SH3D19: variants seen among roughly 807,000 people sequenced by gnomAD.
The protein encoded by SH3D19 is SH3 domain-containing protein 19.
A neutral mutation model predicts 112.1 loss-of-function variants in SH3D19; 58 were observed. The ratio of observed to expected loss-of-function variants is 0.52; its 90% CI spans 0.42 to 0.64. SH3D19 has a LOEUF of 0.64. Ranked by LOEUF, SH3D19 falls within the 30% of genes least tolerant of loss-of-function variation. The pLI, the probability that SH3D19 is intolerant of heterozygous loss-of-function variation, is 0.00. For missense variants in SH3D19, 1,090 were observed against 1,263.4 expected (o/e 0.86, Z 2.08); for synonymous variants, 391 against 448.5 (o/e 0.87, Z 1.62).
chr4:151,294,267 C>T (rs1471696397), intron 1 of SH3D19, among the ~76,000 whole-genome samples: 1 of 152,160 alleles, frequency 6.6e-6, no homozygotes. Context: ...ATGGAGGTAG[C>T]CCAGAACCTG....
chr4:151,244,971 C>T lies in SH3D19; in HGVS notation c.113-18885G>A, dbSNP rs1044021842. Among the ~76,000 whole-genome samples, 8 of 151,996 alleles carry T rather than the reference C, an allele frequency of 5.3e-5. No homozygotes were observed. In the East Asian group the frequency reaches 7.7e-4, roughly 15 times the overall value. On this transcript the variant is annotated intron_variant, in intron 1 of 19. Coordinates refer to ENST00000604030, the MANE Select transcript of SH3D19 (RefSeq NM_001378122.1). Reference sequence around the variant, plus strand: ...CATCCTGGCTAACACGGTGAAATCTCGTATCTACTAAAAATACAAAAAATT... The same window carrying T: ...CATCCTGGCTAACACGGTGAAATCTTGTATCTACTAAAAATACAAAAAATT...
At chr4:151,219,188 A>G (rs879428766) in intron 2 of SH3D19, among the ~76,000 whole-genome samples, 3 of 152,164 alleles carry the variant, frequency 2.0e-5, no homozygotes, top group Non-Finnish European at 4.4e-5. Flanking sequence ...CTTCAATATC[A>G]GATTACTCTT....
intron 1 of SH3D19, 150 bp from the exon 2 acceptor site, chr4:151,226,236 T>A: frequency 1.6e-6 from 2 of 1,224,844 alleles, no homozygotes; most frequent in African/African-American, 3.1e-5. Flanking sequence ...TTCATCACAG[T>A]TCGCCTGACA....
At chr4:151,303,290 G>A (rs557385652) in intron 1 of SH3D19, among the ~76,000 whole-genome samples, 10 of 152,276 alleles carry the variant, frequency 6.6e-5, no homozygotes, top group African/African-American at 2.2e-4. Context: ...ATGATCTTCA[G>A]AGGAAACACA....
intron 2 of SH3D19, among the ~76,000 whole-genome samples, chr4:151,199,534 T>C (rs1764092552): frequency 6.6e-6 from 1 of 152,148 alleles, no homozygotes; most frequent in South Asian, 2.1e-4. Flanking sequence ...TGGGAAATGA[T>C]AAAACTCATT....
intron 2 of SH3D19, among the ~76,000 whole-genome samples, chr4:151,200,899 A>G (rs1580126085): frequency 6.6e-6 from 1 of 152,242 alleles, no homozygotes; most frequent in East Asian, 1.9e-4. Flanking sequence ...AAACAAACAT[A>G]TCAACCAACA....
chr4:151,320,993 A>T (rs932281204), intron 1 of SH3D19, among the ~76,000 whole-genome samples: 2 of 152,152 alleles, frequency 1.3e-5, no homozygotes, highest in African/African-American at 4.8e-5. Flanking sequence ...GTGTGCTGAG[A>T]TTACACCACA....
Position 151,149,683 on chromosome 4 carries a change from T to C in SH3D19, c.1756-122A>G, listed in dbSNP as rs999969623. 3 of 803,498 alleles carry C rather than the reference T, an allele frequency of 3.7e-6. No individual in the cohort carries two copies. The East Asian group carries it at 8.0e-5, about 22-fold the overall frequency. 49.8% of individuals were successfully genotyped at this position (803,498 alleles called of 1,614,324 possible). A position where few individuals can be genotyped will look rare whatever the true frequency, so the allele number is the denominator to read the frequency against. The stretch of plus-strand genomic sequence containing the variant: ...AGAAATGCAGTTGAATTATAGAAAG[T>C]AGCTTAAAAGAGTTTTCAGCCTTAA... On this transcript the variant is annotated intron_variant, in intron 9 of 19. Transcript: ENST00000604030.
In SH3D19 at chr4:151,179,336, A is replaced by G. The variant is rs961248221; in HGVS notation, c.236+19T>C. ...ATTATTAGTCTAATATATGTCCTCC[A>G]TTATAAATATAACCATACCTTCTAT... On this transcript the variant is annotated intron_variant, in intron 4 of 19. Coordinates refer to ENST00000604030, the MANE Select transcript of SH3D19 (RefSeq NM_001378122.1). 3 of 1,210,640 alleles carry G rather than the reference A, an allele frequency of 2.5e-6. No homozygotes were observed. The highest frequency in any genetic ancestry group is 3.2e-4 in the Middle Eastern group (1 of 3,174). 75.0% of individuals were successfully genotyped at this position (1,210,640 alleles called of 1,614,324 possible).
At chr4:151,195,397 AGAAAAAG>A (rs1763308999) in intron 2 of SH3D19, among the ~76,000 whole-genome samples, 7 of 119,660 alleles carry the variant, frequency 5.8e-5, no homozygotes, top group African/African-American at 1.7e-4. Context: ...AAAAAAAAAA[AGAAAAAG>A]AAAAAAAGAG....
At chr4:151,242,077 G>A (rs1416218917) in intron 1 of SH3D19, among the ~76,000 whole-genome samples, 1 of 151,912 alleles carries the variant, frequency 6.6e-6, no homozygotes, top group Non-Finnish European at 1.5e-5. Context: ...TGCAGTCTCA[G>A]CAACTCAAGA....
chr4:151,224,283 T>C (rs961706693), intron 2 of SH3D19, among the ~76,000 whole-genome samples: 1 of 151,918 alleles, frequency 6.6e-6, no homozygotes, highest in Admixed American at 6.6e-5. Context: ...CACTCCAGCC[T>C]GGGAAACAGG....
chr4:151,245,608 T>C (rs747786676), intron 1 of SH3D19, among the ~76,000 whole-genome samples: 1 of 152,088 alleles, frequency 6.6e-6, no homozygotes, highest in African/African-American at 2.4e-5. Context: ...CTGAGTCTTT[T>C]GTTTGTTTGT....
intron 4 of SH3D19, among the ~76,000 whole-genome samples, chr4:151,177,824 G>A (rs555965867): frequency 6.6e-6 from 1 of 152,284 alleles, no homozygotes; most frequent in African/African-American, 2.4e-5. Flanking sequence ...GATCAGGTTT[G>A]TATATGATTT....
At chr4:151,214,404 G>GC (rs1766554092) in intron 2 of SH3D19, among the ~76,000 whole-genome samples, 1 of 47,962 alleles carries the variant, frequency 2.1e-5, no homozygotes, top group Non-Finnish European at 1.3e-4. Context: ...AGACGGGGTG[G>GC]TGGCCGGGCA....
At chr4:151,221,513 T>A (rs1430471244) in intron 2 of SH3D19, among the ~76,000 whole-genome samples, 1 of 152,180 alleles carries the variant, frequency 6.6e-6, no homozygotes, top group African/African-American at 2.4e-5. Flanking sequence ...TCCTTTCTTA[T>A]AGGGCATCAC....
intron 1 of SH3D19, among the ~76,000 whole-genome samples, chr4:151,297,818 T>A (rs752187350): frequency 1.3e-5 from 2 of 152,246 alleles, no homozygotes; most frequent in Non-Finnish European, 2.9e-5. Context: ...TTTGCACATA[T>A]GATTAAGTAT....
At chr4:151,133,347 G>A (rs1751149132) in intron 15 of SH3D19, 111 bp from the exon 16 acceptor site, 1 of 827,888 alleles carries the variant, frequency 1.2e-6, no homozygotes, top group African/African-American at 1.7e-5. Flanking sequence ...CATGGAATAA[G>A]GTATACTAGG....
chr4:151,180,832 C>T (rs1295552024), intron 3 of SH3D19, among the ~76,000 whole-genome samples: 9 of 147,486 alleles, frequency 6.1e-5, no homozygotes, highest in South Asian at 2.2e-4. Context: ...GGCGCCATCT[C>T]GGCTCACTGC....
Sources: gnomAD v4.1 joint callset for allele counts (sites outside exome capture counted in the v4.1 genomes callset) on GRCh38, gnomAD v4.1.1 for gene constraint, MANE v1.5 for transcripts, NCBI Gene and HGNC (gene_info 2026-07-23, HGNC 2026-07-21) for gene names.